MTMR9: variants seen among roughly 807,000 people sequenced by gnomAD.
The protein encoded by MTMR9 is myotubularin-related protein 9.
MTMR9 carries 39 observed loss-of-function variants against 69.5 expected under a neutral mutation model. The ratio of observed to expected loss-of-function variants is 0.56; its 90% CI spans 0.43 to 0.73. MTMR9 has a LOEUF of 0.73. Among genes scored for constraint, MTMR9 ranks in the 30% least tolerant of loss-of-function variants. The pLI is 0.00. For synonymous variants in MTMR9, 354 were observed against 240.8 expected (o/e 1.47, Z -4.35); for missense variants, 900 against 671.2 (o/e 1.34, Z -3.77).
In MTMR9 at chr8:11,324,704, C is replaced by T. The variant is rs1275468029; in HGVS notation, c.*1916C>T. ...TAGAGAGTTTTCTTTAGAAGTGACT[C>T]CCATTAGCCTGGTGTGGTGGTGTGT... On this transcript the variant is annotated 3_prime_UTR_variant, in exon 10 of 10. Coordinates refer to ENST00000221086, the MANE Select transcript of MTMR9 (RefSeq NM_015458.4). 1 of 152,118 alleles carries T rather than the reference C, an allele frequency of 6.6e-6. No individual in the cohort carries two copies. The highest frequency in any genetic ancestry group is 1.5e-5 in the Non-Finnish European group (1 of 68,030). The allele number at this position is 152,118 out of a possible 1,614,324, so 9.4% of individuals were successfully genotyped here. A position where few individuals can be genotyped will look rare whatever the true frequency, so the allele number is the denominator to read the frequency against.
At chr8:11,328,563 C>T (rs1368509082), downstream of MTMR9, among the ~76,000 whole-genome samples, 1 of 152,008 alleles carries the variant, frequency 6.6e-6, no homozygotes, top group African/African-American at 2.4e-5. Flanking sequence ...AGTAGAATGC[C>T]AGCTATTAAA....
chr8:11,324,551 G>C lies in MTMR9; in HGVS notation c.*1763G>C, dbSNP rs950965184. 4.1e-5 allele frequency: 6 copies of C among 147,682 alleles called. No homozygotes were observed. The East Asian group carries it at 1.2e-3, about 29-fold the overall frequency. The allele number at this position is 147,682 out of a possible 1,614,324, so 9.1% of individuals were successfully genotyped here. A position where few individuals can be genotyped will look rare whatever the true frequency, so the allele number is the denominator to read the frequency against. On this transcript the variant is annotated 3_prime_UTR_variant, in exon 10 of 10. Transcript: ENST00000221086. ...AAAGGAAACAGCCTCACTTTTTTGT[G>C]CTCCCTCAGAATTGCTTGCTATGTC...
intron 1 of MTMR9, among the ~76,000 whole-genome samples, chr8:11,287,008 G>A (rs7813424): frequency 0.66 from 99,690 of 152,024 alleles, 33,997 homozygotes; most frequent in East Asian, 0.89. Context: ...AGACACCAAG[G>A]TAAATAAAAT....
chr8:11,334,517 A>G, the MTMR9 span, among the ~76,000 whole-genome samples: 1 of 152,204 alleles, frequency 6.6e-6, no homozygotes, highest in African/African-American at 2.4e-5. Context: ...TATGGAAAAC[A>G]CAAGAAGAAA....
At chr8:11,338,180 T>G in the MTMR9 span, among the ~76,000 whole-genome samples, 1 of 152,222 alleles carries the variant, frequency 6.6e-6, no homozygotes, top group Non-Finnish European at 1.5e-5. Context: ...TGATGGTCTT[T>G]AGTAAATGAA....
chr8:11,312,630 A>G (rs938397910), intron 6 of MTMR9, among the ~76,000 whole-genome samples: 4 of 152,200 alleles, frequency 2.6e-5, no homozygotes, highest in Admixed American at 2.0e-4. Flanking sequence ...ACTTCTTCCA[A>G]AATCTTTTTA....
chr8:11,310,409 T>A (rs1170774628), intron 6 of MTMR9, among the ~76,000 whole-genome samples: 1 of 152,232 alleles, frequency 6.6e-6, no homozygotes, highest in Non-Finnish European at 1.5e-5. Context: ...TAGATGGCAC[T>A]TTTCTTTGAG....
the MTMR9 span, among the ~76,000 whole-genome samples, chr8:11,338,328 A>T: frequency 1.3e-5 from 2 of 152,210 alleles, no homozygotes; most frequent in African/African-American, 4.8e-5. Flanking sequence ...TTCCCATCAT[A>T]ATAGCAATAA....
intron 2 of MTMR9, among the ~76,000 whole-genome samples, chr8:11,296,922 C>G (rs1040766156): frequency 1.3e-5 from 2 of 151,926 alleles, no homozygotes; most frequent in East Asian, 3.8e-4. Flanking sequence ...GTTCAGATTA[C>G]AAATAATAGA....
chr8:11,330,831 G>A (rs530390155), downstream of MTMR9: 13 of 520,624 alleles, frequency 2.5e-5, no homozygotes, highest in Admixed American at 2.6e-4. Context: ...TTGTTCACTT[G>A]TTTATCTGCT....
chr8:11,330,592 G>T (rs186478167), downstream of MTMR9, among the ~76,000 whole-genome samples: 4 of 152,332 alleles, frequency 2.6e-5, no homozygotes, highest in Admixed American at 2.6e-4. Flanking sequence ...TTCTGCCTTG[G>T]GATACTGTTG....
Position 11,289,694 on chromosome 8 carries a change from G to C in MTMR9, c.182+4624G>C, listed in dbSNP as rs559770184. On this transcript the variant is annotated intron_variant, in intron 1 of 9. Coordinates refer to ENST00000221086, the MANE Select transcript of MTMR9 (RefSeq NM_015458.4). ...ATAGATAGCACTATTGTGTATGGGT[G>C]TGCGCACACATGCATGTGTGAGTTT... Among the ~76,000 whole-genome samples the C allele has an allele frequency of 1.2e-4, 19 of 152,264 alleles. No homozygotes were observed. The South Asian group carries it at 2.7e-3, about 22-fold the overall frequency.
At chr8:11,296,466 A>T (rs1056717943) in intron 2 of MTMR9, among the ~76,000 whole-genome samples, 1 of 152,330 alleles carries the variant, frequency 6.6e-6, no homozygotes, top group East Asian at 1.9e-4. Flanking sequence ...CTTTATTCAC[A>T]TTGTTGTGCA....
chr8:11,309,605 C>G lies in MTMR9; in HGVS notation c.888C>G (p.Leu296=). 1 of 1,613,888 alleles carries G rather than the reference C, an allele frequency of 6.2e-7. No homozygotes were observed. Among genetic ancestry groups the G allele is most frequent in the South Asian group, 1.1e-5 (1 of 91,078 alleles). Residue 296 remains leucine (L), a synonymous_variant, in exon 6 of 10, where the codon CTC becomes CTG. Transcript: ENST00000221086. ...AAACACATAACATGGACCGATGGCT[C>G]AGTAAATTGGAGGCCTCTAACTGGC... ...NDQTHNMDRW[L]SKLEASNWLT...
chr8:11,293,940 G>A (rs1301867453), intron 1 of MTMR9, among the ~76,000 whole-genome samples: 1 of 152,086 alleles, frequency 6.6e-6, no homozygotes, highest in Non-Finnish European at 1.5e-5. Flanking sequence ...CTTAATTACT[G>A]TAGCTTTATA....
intron 6 of MTMR9, among the ~76,000 whole-genome samples, chr8:11,310,633 T>C (rs1226040463): frequency 6.6e-6 from 1 of 151,884 alleles, no homozygotes; most frequent in Non-Finnish European, 1.5e-5. Context: ...CCTAATAAAC[T>C]GTGGGAATTA....
Position 11,306,421 on chromosome 8 carries a change from A to T in MTMR9, c.809+14A>T. 6.2e-7 allele frequency: 1 copy of T among 1,609,570 alleles called. No individual in the cohort carries two copies. Among genetic ancestry groups the T allele is most frequent in the East Asian group, 2.2e-5 (1 of 44,856 alleles). On this transcript the variant is annotated intron_variant, in intron 5 of 9. Coordinates refer to ENST00000221086, the MANE Select transcript of MTMR9 (RefSeq NM_015458.4). ...GTCCATTGAGAGGTAAAAGATTCCA[A>T]AGATAGTACAGACTCTTATTAGAAG...
At chr8:11,304,704 A>G in intron 3 of MTMR9, 137 bp from the exon 4 acceptor site, 2 of 797,808 alleles carry the variant, frequency 2.5e-6, no homozygotes, top group Admixed American at 2.5e-5. Flanking sequence ...CATATAAGCT[A>G]GAGATCCACC....
At position 11,284,822 on chromosome 8, in the gene MTMR9, T is replaced by G. The variant is rs1176684717; in HGVS notation, c.-67T>G. ...CCCCGCGCCGGGTGTTTCCGCTACT[T>G]CCCTGCGGCGGGGTAACCGCCTCGC... On this transcript the variant is annotated 5_prime_UTR_variant, in exon 1 of 10. Transcript: ENST00000221086. 34 of 1,436,088 alleles carry G rather than the reference T, an allele frequency of 2.4e-5. No individual in the cohort carries two copies. In the African/African-American group the frequency reaches 3.8e-4, roughly 16 times the overall value. The allele number at this position is 1,436,088 out of a possible 1,614,324, so 89.0% of individuals were successfully genotyped here. A position where few individuals can be genotyped will look rare whatever the true frequency, so the allele number is the denominator to read the frequency against.
Sources: allele counts gnomAD v4.1 joint callset (sites outside exome capture counted in the v4.1 genomes callset), GRCh38; gene constraint gnomAD v4.1.1; transcripts MANE v1.5; gene names NCBI Gene and HGNC (gene_info 2026-07-23, HGNC 2026-07-21).